DPP10: variants seen among roughly 807,000 people sequenced by gnomAD.
The protein encoded by DPP10 is inactive dipeptidyl peptidase 10.
Under a neutral mutation model 120.9 loss-of-function variants are expected in DPP10, and 33 were observed. The observed-to-expected ratio is 0.27, with a 90% CI of 0.21 to 0.37. The LOEUF (loss-of-function observed/expected upper bound fraction) is 0.37, where lower values mean the gene tolerates loss of function less well. Ranked by LOEUF, DPP10 falls within the 10% of genes least tolerant of loss-of-function variation. DPP10 has a pLI of 1.00. For synonymous variants in DPP10, 337 were observed against 326.1 expected, an observed-to-expected ratio of 1.03 and a Z score of -0.36; for missense variants, 816 against 942.8, an observed-to-expected ratio of 0.87 and a Z score of 1.76.
At chr2:114,508,750 T>G (rs1326322509) in intron 1 of DPP10, among the ~76,000 whole-genome samples, 1 of 152,026 alleles carries the variant, frequency 6.6e-6, no homozygotes, top group East Asian at 1.9e-4. Context: ...AGAGGCTGCT[T>G]TCACAGCCCC....
intron 1 of DPP10, among the ~76,000 whole-genome samples, chr2:115,000,936 C>T (rs1035933162): frequency 6.6e-6 from 1 of 152,112 alleles, no homozygotes; most frequent in Admixed American, 6.6e-5. Context: ...GCAGCTTTCT[C>T]TACTATCCAC....
chr2:115,266,073 CATG>C (rs1252534891), intron 1 of DPP10, among the ~76,000 whole-genome samples: 9 of 151,682 alleles, frequency 5.9e-5, no homozygotes, highest in East Asian at 1.9e-4. Flanking sequence ...AATATATTAA[CATG>C]AGGAGGTAAT....
At chr2:115,028,151 G>T (rs1703598794) in intron 1 of DPP10, among the ~76,000 whole-genome samples, 1 of 151,470 alleles carries the variant, frequency 6.6e-6, no homozygotes, top group South Asian at 2.1e-4. Context: ...TTAGGTTTTG[G>T]TTTATTATTG....
intron 2 of DPP10, among the ~76,000 whole-genome samples, chr2:115,335,435 C>T (rs2063066133): frequency 6.6e-6 from 1 of 151,836 alleles, no homozygotes; most frequent in Admixed American, 6.6e-5. Flanking sequence ...CATTAAGAAA[C>T]AAGCTTGTGA....
intron 1 of DPP10, among the ~76,000 whole-genome samples, chr2:115,148,768 C>T (rs1573787124): frequency 6.6e-6 from 1 of 152,152 alleles, no homozygotes. Flanking sequence ...ACCATCTTAA[C>T]CGCTACGCAT....
At chr2:115,385,682 G>C (rs1331765828) in intron 3 of DPP10, among the ~76,000 whole-genome samples, 3 of 152,128 alleles carry the variant, frequency 2.0e-5, no homozygotes, top group Non-Finnish European at 4.4e-5. Context: ...CTATAGAGCT[G>C]TCCATTCTTC....
At chr2:114,665,256 GAT>G (rs1341268633) in intron 1 of DPP10, among the ~76,000 whole-genome samples, 1 of 152,186 alleles carries the variant, frequency 6.6e-6, no homozygotes, top group Non-Finnish European at 1.5e-5. Context: ...AAAGAAGTGA[GAT>G]AGTACAATCA....
At chr2:115,732,984 A>C (rs2092947827) in intron 8 of DPP10, among the ~76,000 whole-genome samples, 1 of 152,288 alleles carries the variant, frequency 6.6e-6, no homozygotes, top group South Asian at 2.1e-4. Flanking sequence ...AGTAAATATA[A>C]ATATAAATAG....
chr2:114,765,297 C>T (rs999481348), intron 1 of DPP10, among the ~76,000 whole-genome samples: 1 of 152,032 alleles, frequency 6.6e-6, no homozygotes, highest in Non-Finnish European at 1.5e-5. Flanking sequence ...TTAAACATAC[C>T]ATAGATTCAC....
intron 1 of DPP10, among the ~76,000 whole-genome samples, chr2:114,494,115 A>AAAAAAAAAAAC (rs1558810512): frequency 8.4e-5 from 12 of 142,524 alleles, no homozygotes; most frequent in Non-Finnish European, 1.1e-4. Flanking sequence ...AAAAAAAAAA[A>AAAAAAAAAAAC]AAAAAACCCA....
intron 1 of DPP10, among the ~76,000 whole-genome samples, chr2:115,248,529 C>T (rs770596673): frequency 2.6e-5 from 4 of 151,934 alleles, no homozygotes; most frequent in South Asian, 2.1e-4. Flanking sequence ...CCTGCTGCTA[C>T]GTTAGTTATT....
chr2:115,096,792 G>C (rs1003105920), intron 1 of DPP10, among the ~76,000 whole-genome samples: 1 of 152,160 alleles, frequency 6.6e-6, no homozygotes. Context: ...TTTGTTCTCT[G>C]TTCCTCTATG....
chr2:115,557,088 T>A (rs551674523), intron 5 of DPP10, among the ~76,000 whole-genome samples: 232 of 152,230 alleles, frequency 1.5e-3, no homozygotes, highest in Non-Finnish European at 2.6e-3. Flanking sequence ...CCCCATGTAT[T>A]CCACTAAAAT....
intron 1 of DPP10, among the ~76,000 whole-genome samples, chr2:114,758,892 A>G (rs1680033898): frequency 6.6e-6 from 1 of 152,084 alleles, no homozygotes. Context: ...TTTCAAAGCA[A>G]CCCCCTATGC....
chr2:115,459,922 A>T (rs1444805444), intron 3 of DPP10, among the ~76,000 whole-genome samples: 1 of 32,630 alleles, frequency 3.1e-5, no homozygotes, highest in Non-Finnish European at 2.2e-4. Context: ...TAAAACATAT[A>T]TTTTATATAT....
chr2:115,056,907 T>C (rs146708549), intron 1 of DPP10, among the ~76,000 whole-genome samples: 1 of 152,212 alleles, frequency 6.6e-6, no homozygotes, highest in African/African-American at 2.4e-5. Context: ...AAAAATAGAT[T>C]AGTTTTGTTT....
intron 1 of DPP10, among the ~76,000 whole-genome samples, chr2:115,237,458 AT>A (rs781778184): frequency 1.3e-5 from 2 of 152,144 alleles, no homozygotes; most frequent in Non-Finnish European, 2.9e-5. Context: ...CAACTTTGAA[AT>A]TATGGCAATT....
chr2:114,577,670 C>T (rs1218178570), intron 1 of DPP10, among the ~76,000 whole-genome samples: 4 of 152,062 alleles, frequency 2.6e-5, no homozygotes, highest in Non-Finnish European at 4.4e-5. Flanking sequence ...GCTTATACAA[C>T]AGAAATTTGT....
At chr2:114,664,981 GAGAGCATCCAAAAGATGGCAC>G (rs1558982824) in intron 1 of DPP10, among the ~76,000 whole-genome samples, 4 of 105,124 alleles carry the variant, frequency 3.8e-5, no homozygotes, top group Non-Finnish European at 6.8e-5. Flanking sequence ...AAAGATGGCA[GAGAGCATCCAAAAGATGGCAC>G]AGAGCATACA....
Sources: allele counts gnomAD v4.1 joint callset (sites outside exome capture counted in the v4.1 genomes callset), GRCh38; gene constraint gnomAD v4.1.1; transcripts MANE v1.5; gene names NCBI Gene and HGNC (gene_info 2026-07-23, HGNC 2026-07-21).